The following PITPNC1 variants were observed in gnomAD, a reference collection of about 807,000 sequenced individuals.
PITPNC1 encodes cytoplasmic phosphatidylinositol transfer protein 1.
In PITPNC1, 18 loss-of-function variants were observed where a neutral mutation model predicts 44.7. The observed-to-expected ratio is 0.40, with a 90% confidence interval of 0.28 to 0.60. The LOEUF is 0.60. Ranked by LOEUF, PITPNC1 falls within the 20% of genes least tolerant of loss-of-function variation. The pLI, the probability that PITPNC1 is intolerant of heterozygous loss-of-function variation, is 0.39. For missense variants in PITPNC1, 290 were observed against 418.4 expected (o/e 0.69, Z 2.68); for synonymous variants, 141 against 149.6 (o/e 0.94, Z 0.42).
intron 6 of PITPNC1, among the ~76,000 whole-genome samples, chr17:67,646,192 C>T (rs1440502220): frequency 6.6e-6 from 1 of 152,192 alleles, no homozygotes; most frequent in Non-Finnish European, 1.5e-5. Flanking sequence ...AAATCTTCTC[C>T]AAGCCCTTTC....
intron 1 of PITPNC1, among the ~76,000 whole-genome samples, chr17:67,524,326 TC>T (rs2144113913): frequency 6.6e-6 from 1 of 152,096 alleles, no homozygotes; most frequent in African/African-American, 2.4e-5. Context: ...CTGCCTGTAG[TC>T]CCAGTGACTC....
intron 1 of PITPNC1, among the ~76,000 whole-genome samples, chr17:67,448,521 TG>T (rs895840402): frequency 1.4e-4 from 22 of 152,156 alleles, no homozygotes; most frequent in African/African-American, 4.8e-4. Flanking sequence ...AACCTGCCGT[TG>T]GGGGTGCTTC....
At chr17:67,460,050 C>T (rs1203991832) in intron 1 of PITPNC1, among the ~76,000 whole-genome samples, 1 of 152,140 alleles carries the variant, frequency 6.6e-6, no homozygotes, top group African/African-American at 2.4e-5. Context: ...TGTCCTTTGT[C>T]AACAGGGCAG....
chr17:67,586,689 C>T (rs1228594522), intron 5 of PITPNC1, among the ~76,000 whole-genome samples: 1 of 152,174 alleles, frequency 6.6e-6, no homozygotes, highest in Non-Finnish European at 1.5e-5. Flanking sequence ...ACCATGATTC[C>T]ACTGCCAAAA....
intron 5 of PITPNC1, among the ~76,000 whole-genome samples, chr17:67,620,212 C>T (rs1048692944): frequency 6.6e-6 from 1 of 152,056 alleles, no homozygotes; most frequent in Non-Finnish European, 1.5e-5. Context: ...TGCCACCACA[C>T]CTGACGAATT....
In PITPNC1 at chr17:67,644,357, T is replaced by C. The variant is rs931903155; in HGVS notation, c.462+12119T>C. Among the ~76,000 whole-genome samples, 6 of 151,384 alleles carry C rather than the reference T, an allele frequency of 4.0e-5. 1 individual carries two copies. Among genetic ancestry groups the C allele is most frequent in the Admixed American group, 2.6e-4 (4 of 15,214 alleles). ...GCAAGAGCTGAAGGGCCCAAGGCTC[T>C]CAGCCAGGAGTGAACAGATACAACA... On this transcript the variant is annotated intron_variant, in intron 6 of 8. Transcript: ENST00000581322.
chr17:67,416,203 C>CTTGTTTTTTTTT (rs2038586224), intron 1 of PITPNC1, among the ~76,000 whole-genome samples: 1 of 67,614 alleles, frequency 1.5e-5, no homozygotes, highest in Admixed American at 2.2e-4. Flanking sequence ...ACATGTATTG[C>CTTGTTTTTTTTT]TTTTTTTTTT....
At chr17:67,381,196 C>T (rs1037933491) in intron 1 of PITPNC1, among the ~76,000 whole-genome samples, 3 of 151,680 alleles carry the variant, frequency 2.0e-5, no homozygotes, top group East Asian at 2.0e-4. Context: ...GGCCTGGTGG[C>T]GGGCGCCTGT....
At chr17:67,563,410 A>G (rs976872290) in intron 4 of PITPNC1, among the ~76,000 whole-genome samples, 1 of 152,228 alleles carries the variant, frequency 6.6e-6, no homozygotes, top group Non-Finnish European at 1.5e-5. Context: ...TAAATACTTC[A>G]TCAACCCCAA....
At chr17:67,579,985 A>C (rs1254344071) in intron 5 of PITPNC1, among the ~76,000 whole-genome samples, 1 of 152,202 alleles carries the variant, frequency 6.6e-6, no homozygotes, top group African/African-American at 2.4e-5. Flanking sequence ...TGGAGAATGC[A>C]AAAAGAAAGT....
intron 1 of PITPNC1, among the ~76,000 whole-genome samples, chr17:67,517,000 C>G (rs1257208725): frequency 2.0e-5 from 3 of 152,198 alleles, no homozygotes; most frequent in Non-Finnish European, 4.4e-5. Flanking sequence ...CTGTTCCTAC[C>G]CCTTGCACCC....
chr17:67,663,049 A>G (rs1030939492), intron 6 of PITPNC1, among the ~76,000 whole-genome samples: 2 of 152,242 alleles, frequency 1.3e-5, no homozygotes, highest in African/African-American at 4.8e-5. Context: ...CATATACCCA[A>G]TAATGGGGTT....
chr17:67,614,604 A>G (rs2041733156), intron 5 of PITPNC1, among the ~76,000 whole-genome samples: 1 of 151,372 alleles, frequency 6.6e-6, no homozygotes, highest in African/African-American at 2.4e-5. Context: ...CCTGGGAGGC[A>G]GAGGCTGGAG....
At chr17:67,502,976 A>G (rs2040054886) in intron 1 of PITPNC1, among the ~76,000 whole-genome samples, 1 of 151,930 alleles carries the variant, frequency 6.6e-6, no homozygotes, top group Non-Finnish European at 1.5e-5. Flanking sequence ...TTTGTATTTC[A>G]GTAGAGACGG....
intron 4 of PITPNC1, among the ~76,000 whole-genome samples, chr17:67,558,114 T>C (rs1327930712): frequency 6.6e-6 from 1 of 152,166 alleles, no homozygotes; most frequent in Non-Finnish European, 1.5e-5. Context: ...CCCTCATTCG[T>C]GACAAAGCCC....
chr17:67,573,185 T>G (rs560108388), intron 4 of PITPNC1, among the ~76,000 whole-genome samples: 1 of 152,146 alleles, frequency 6.6e-6, no homozygotes, highest in Non-Finnish European at 1.5e-5. Context: ...GTAGGGTCTT[T>G]GTTGGGGATG....
At chr17:67,684,053 A>G (rs1002159637) in intron 8 of PITPNC1, among the ~76,000 whole-genome samples, 4 of 150,870 alleles carry the variant, frequency 2.7e-5, no homozygotes, top group African/African-American at 4.9e-5. Flanking sequence ...GGAAAAGTCT[A>G]TCTTCTCCTT....
intron 1 of PITPNC1, among the ~76,000 whole-genome samples, chr17:67,415,716 T>A (rs2038576967): frequency 6.6e-6 from 1 of 152,230 alleles, no homozygotes; most frequent in South Asian, 2.1e-4. Flanking sequence ...ATGTTACATT[T>A]TTTTTGGAAC....
chr17:67,425,189 G>GCA (rs2038732742), intron 1 of PITPNC1, among the ~76,000 whole-genome samples: 3 of 41,610 alleles, frequency 7.2e-5, no homozygotes, highest in East Asian at 9.0e-4. Context: ...CATGTTGTGC[G>GCA]CGCGCACGCA....
Sources: gnomAD v4.1 joint callset for allele counts (sites outside exome capture counted in the v4.1 genomes callset) on GRCh38, gnomAD v4.1.1 for gene constraint, MANE v1.5 for transcripts, NCBI Gene and HGNC (gene_info 2026-07-23, HGNC 2026-07-21) for gene names.